Variants in NTRK2 observed in about 807,000 individuals in gnomAD.
The protein encoded by NTRK2 is neurotrophic receptor tyrosine kinase 2, also known as BDNF/NT-3 growth factors receptor.
A neutral mutation model predicts 94.5 loss-of-function variants in NTRK2; 13 were observed. The ratio of observed to expected loss-of-function variants is 0.14; its 90% CI spans 0.09 to 0.22. NTRK2 has a LOEUF of 0.22. Ranked by LOEUF, NTRK2 falls within the 10% of genes least tolerant of loss-of-function variation. The probability of loss-of-function intolerance (pLI) is 1.00; values close to 1 mark genes in which losing one functional copy is unlikely to be tolerated. For synonymous variants in NTRK2, 372 were observed against 407.4 expected (o/e 0.91, Z 1.05); for missense variants, 639 against 1,071.2 (o/e 0.60, Z 5.63).
upstream of NTRK2, chr9:84,669,330 A>C (rs1315918572): frequency 2.0e-5 from 3 of 152,604 alleles, no homozygotes; most frequent in Admixed American, 1.3e-4. The surrounding 1 kb of genome is among the most constrained non-coding windows in gnomAD (Gnocchi z 4.1). Flanking sequence ...TTCCATTTCA[A>C]AAAGGGAGAC....
intron 10 of NTRK2, among the ~76,000 whole-genome samples, chr9:84,744,352 T>C (rs554854782): frequency 6.6e-6 from 1 of 152,306 alleles, no homozygotes; most frequent in African/African-American, 2.4e-5. Context: ...AACTGAAATA[T>C]TGGCAATTCA....
chr9:84,742,331 G>A (rs2063709949), intron 10 of NTRK2, among the ~76,000 whole-genome samples: 1 of 152,190 alleles, frequency 6.6e-6, no homozygotes. Flanking sequence ...TCACAGATGG[G>A]AACCTCAAAG....
At chr9:84,828,662 G>A (rs185925984) in intron 12 of NTRK2, among the ~76,000 whole-genome samples, 17 of 152,176 alleles carry the variant, frequency 1.1e-4, no homozygotes, top group African/African-American at 2.6e-4. Context: ...AAATTTTATT[G>A]GTTGATTATT....
chr9:84,990,426 C>T (rs373157124), intron 17 of NTRK2, among the ~76,000 whole-genome samples: 4 of 152,168 alleles, frequency 2.6e-5, no homozygotes, highest in African/African-American at 7.2e-5. Context: ...AACCAATTGC[C>T]TCCCATTTTG....
intron 14 of NTRK2, among the ~76,000 whole-genome samples, chr9:84,924,622 T>G (rs756118023): frequency 6.6e-6 from 1 of 152,240 alleles, no homozygotes; most frequent in Non-Finnish European, 1.5e-5. Context: ...GTACCGTATG[T>G]GTATTTTGAA....
chr9:84,681,908 G>A (rs758210477), intron 2 of NTRK2, among the ~76,000 whole-genome samples: 6 of 152,138 alleles, frequency 3.9e-5, no homozygotes, highest in Non-Finnish European at 8.8e-5. Context: ...AGAATGCACA[G>A]ATCAGCATAA....
chr9:85,002,208 C>G (rs958172539), intron 17 of NTRK2, among the ~76,000 whole-genome samples: 1 of 152,154 alleles, frequency 6.6e-6, no homozygotes, highest in Non-Finnish European at 1.5e-5. Context: ...AAGCTTACCC[C>G]CTACTGCCCT....
At chr9:84,840,481 C>T (rs1014574645) in intron 12 of NTRK2, among the ~76,000 whole-genome samples, 1 of 151,992 alleles carries the variant, frequency 6.6e-6, no homozygotes, top group African/African-American at 2.4e-5. Flanking sequence ...GGCTTCTCCC[C>T]AGGACCGCCC....
At chr9:84,887,844 A>AT (rs1255106154) in intron 14 of NTRK2, among the ~76,000 whole-genome samples, 2 of 151,958 alleles carry the variant, frequency 1.3e-5, no homozygotes, top group Non-Finnish European at 2.9e-5. Flanking sequence ...CTGGATCCAC[A>AT]TTTTTTTTCC....
At chr9:84,718,025 C>T (rs1267443433) in intron 6 of NTRK2, among the ~76,000 whole-genome samples, 1 of 148,526 alleles carries the variant, frequency 6.7e-6, no homozygotes, top group African/African-American at 2.5e-5. Context: ...TCTTCTTCCT[C>T]TTCCCCTTCC....
chr9:84,859,668 A>C (rs1488026572), intron 12 of NTRK2, among the ~76,000 whole-genome samples: 1 of 152,242 alleles, frequency 6.6e-6, no homozygotes, highest in Admixed American at 6.5e-5. Context: ...CAGGCTTAAA[A>C]AATTCAATCT....
intron 17 of NTRK2, among the ~76,000 whole-genome samples, chr9:85,000,695 G>A (rs1250265541): frequency 2.0e-5 from 3 of 152,048 alleles, no homozygotes; most frequent in African/African-American, 7.2e-5. Context: ...CCGAATTTTG[G>A]CAATTATGAA....
At chr9:84,871,366 C>A (rs1219314354) in intron 14 of NTRK2, among the ~76,000 whole-genome samples, 3 of 152,176 alleles carry the variant, frequency 2.0e-5, no homozygotes, top group African/African-American at 7.2e-5. Context: ...AGATTTAAGA[C>A]ACCGGGTGAG....
chr9:85,008,123 T>A (rs1004023261), intron 17 of NTRK2, among the ~76,000 whole-genome samples: 11 of 151,972 alleles, frequency 7.2e-5, no homozygotes, highest in Admixed American at 1.3e-4. Context: ...TTTGGGTGTC[T>A]TGTTTTCAAC....
In NTRK2 at chr9:84,795,487, G is replaced by C. The variant is rs113072730; in HGVS notation, c.1396+43402G>C. Among the ~76,000 whole-genome samples, 269 of 152,214 alleles carry C rather than the reference G, an allele frequency of 1.8e-3. 3 individuals carry two copies. Among genetic ancestry groups the C allele is most frequent in the African/African-American group, 6.0e-3 (248 of 41,524 alleles). On this transcript the variant is annotated intron_variant, in intron 12 of 18. Coordinates refer to ENST00000277120, the MANE Select transcript of NTRK2 (RefSeq NM_006180.6). The stretch of plus-strand genomic sequence containing the variant: ...GTCCCTGCACATGCTGGTGCAGGCC[G>C]AGCACAGTGCAGTCTTTCTTCTTTC...
At chr9:84,972,958 C>T (rs922938879) in intron 17 of NTRK2, among the ~76,000 whole-genome samples, 6 of 152,232 alleles carry the variant, frequency 3.9e-5, no homozygotes, top group East Asian at 1.9e-4. Flanking sequence ...GCTCTCCCTA[C>T]GCTCTCCATT....
chr9:84,800,113 G>T (rs1187286), intron 12 of NTRK2, among the ~76,000 whole-genome samples: 105,182 of 152,010 alleles, frequency 0.69, 37,248 homozygotes, highest in Non-Finnish European at 0.76. Context: ...GGATAGAGAG[G>T]ATGTGTTCCT....
chr9:84,920,262 G>A (rs2077520704), intron 14 of NTRK2, among the ~76,000 whole-genome samples: 1 of 152,106 alleles, frequency 6.6e-6, no homozygotes, highest in African/African-American at 2.4e-5. Flanking sequence ...TTAGGTTGGG[G>A]GACCCTAGAT....
chr9:84,793,247 A>G (rs1265648267), intron 12 of NTRK2, among the ~76,000 whole-genome samples: 1 of 152,068 alleles, frequency 6.6e-6, no homozygotes, highest in African/African-American at 2.4e-5. Flanking sequence ...AAAATACCAT[A>G]TTGAGAACAG....
Sources: gnomAD v4.1 joint callset for allele counts (sites outside exome capture counted in the v4.1 genomes callset) on GRCh38, gnomAD v4.1.1 for gene constraint, Gnocchi (gnomAD v3.1) non-coding constraint, MANE v1.5 for transcripts, NCBI Gene and HGNC (gene_info 2026-07-23, HGNC 2026-07-21) for gene names.